The following GSTCD variants were observed in gnomAD, a reference collection of about 807,000 sequenced individuals.
The protein encoded by GSTCD is glutathione S-transferase C-terminal domain-containing protein.
A neutral mutation model predicts 68.3 loss-of-function variants in GSTCD; 44 were observed. The observed-to-expected ratio is 0.64, with a 90% confidence interval of 0.51 to 0.83. GSTCD has a LOEUF of 0.83. Among genes scored for constraint, GSTCD ranks in the 40% least tolerant of loss-of-function variants. The pLI, the probability that GSTCD is intolerant of heterozygous loss-of-function variation, is 0.00. For synonymous variants in GSTCD, 273 were observed against 255.2 expected (o/e 1.07, Z -0.67); for missense variants, 739 against 735.9 (o/e 1.00, Z -0.05).
intron 5 of GSTCD, among the ~76,000 whole-genome samples, chr4:105,786,329 G>A (rs1735463622): frequency 6.6e-6 from 1 of 151,912 alleles, no homozygotes; most frequent in South Asian, 2.1e-4. Flanking sequence ...TGGTCAACAT[G>A]GAGAAACCCT....
chr4:105,809,534 T>G (rs938993640), intron 5 of GSTCD, among the ~76,000 whole-genome samples: 3 of 152,094 alleles, frequency 2.0e-5, no homozygotes, highest in Non-Finnish European at 4.4e-5. Context: ...TTTCTCCCCT[T>G]TCTAATTTTT....
At chr4:105,726,486 A>T in intron 3 of GSTCD, 93 bp from the exon 4 acceptor site, 1 of 749,610 alleles carries the variant, frequency 1.3e-6, no homozygotes, top group Non-Finnish European at 2.1e-6. Context: ...TATACACTTA[A>T]ATGTGTGAAT....
chr4:105,733,175 A>T (rs1433197783), intron 5 of GSTCD, among the ~76,000 whole-genome samples: 1 of 152,100 alleles, frequency 6.6e-6, no homozygotes, highest in African/African-American at 2.4e-5. Context: ...TTGATTTGGG[A>T]TGGAGAGTTC....
intron 1 of GSTCD, among the ~76,000 whole-genome samples, chr4:105,716,312 T>A (rs76982110): frequency 8.1e-4 from 124 of 152,262 alleles, no homozygotes; most frequent in Non-Finnish European, 1.4e-3. Context: ...CAGTAAGAAG[T>A]TGCCATTGAA....
At chr4:105,747,828 A>C (rs1462106064) in intron 5 of GSTCD, among the ~76,000 whole-genome samples, 1 of 152,078 alleles carries the variant, frequency 6.6e-6, no homozygotes, top group Non-Finnish European at 1.5e-5. Context: ...GATGAGACTC[A>C]AAACTAGCAC....
At chr4:105,759,942 A>G (rs1486875957) in intron 5 of GSTCD, among the ~76,000 whole-genome samples, 2 of 152,194 alleles carry the variant, frequency 1.3e-5, no homozygotes, top group African/African-American at 4.8e-5. Context: ...TCAGTCTTAT[A>G]TAATTGTGAC....
intron 5 of GSTCD, among the ~76,000 whole-genome samples, chr4:105,768,210 T>C (rs2149241246): frequency 6.6e-6 from 1 of 152,048 alleles, no homozygotes; most frequent in African/African-American, 2.4e-5. Flanking sequence ...TTTGTATTTT[T>C]TAGTAGAGAC....
intron 5 of GSTCD, among the ~76,000 whole-genome samples, chr4:105,768,001 A>G (rs1382677819): frequency 1.3e-5 from 2 of 152,024 alleles, no homozygotes; most frequent in African/African-American, 2.4e-5. Flanking sequence ...TGTTCCACAA[A>G]TAAAAATATT....
chr4:105,726,186 T>G (rs1325868840), intron 3 of GSTCD, among the ~76,000 whole-genome samples: 1 of 152,180 alleles, frequency 6.6e-6, no homozygotes, highest in East Asian at 1.9e-4. Flanking sequence ...CAATGACTAC[T>G]AGTCATAATA....
intron 5 of GSTCD, among the ~76,000 whole-genome samples, chr4:105,812,082 C>T (rs1257633342): frequency 6.6e-6 from 1 of 152,088 alleles, no homozygotes; most frequent in Non-Finnish European, 1.5e-5. Flanking sequence ...TTTTGGGTAT[C>T]AGTATGATGT....
At chr4:105,834,425 G>A in intron 8 of GSTCD, 36 bp from the exon 9 acceptor site, 1 of 1,603,558 alleles carries the variant, frequency 6.2e-7, no homozygotes, top group Non-Finnish European at 8.5e-7. Context: ...TGAGTTAAGA[G>A]GGAACTTAGT....
intron 5 of GSTCD, among the ~76,000 whole-genome samples, chr4:105,731,257 A>G (rs539376888): frequency 2.0e-5 from 3 of 152,126 alleles, no homozygotes; most frequent in Non-Finnish European, 4.4e-5. Context: ...GTTTTTTCCA[A>G]TTTTGTGAAG....
At chr4:105,780,744 T>G (rs1339063095) in intron 5 of GSTCD, among the ~76,000 whole-genome samples, 1 of 152,214 alleles carries the variant, frequency 6.6e-6, no homozygotes, top group Non-Finnish European at 1.5e-5. Flanking sequence ...TTTATGAAAT[T>G]GCTTGAATAG....
chr4:105,810,067 C>A (rs893776811), intron 5 of GSTCD, among the ~76,000 whole-genome samples: 1 of 151,916 alleles, frequency 6.6e-6, no homozygotes, highest in South Asian at 2.1e-4. Flanking sequence ...GCCATCAATA[C>A]AAAGTATTTA....
intron 5 of GSTCD, among the ~76,000 whole-genome samples, chr4:105,810,821 G>C (rs1283684842): frequency 6.6e-6 from 1 of 152,030 alleles, no homozygotes; most frequent in Non-Finnish European, 1.5e-5. Flanking sequence ...AGTGACAGGA[G>C]CCCAAGTAGC....
intron 5 of GSTCD, among the ~76,000 whole-genome samples, chr4:105,795,172 T>A (rs1735834897): frequency 6.6e-6 from 1 of 151,970 alleles, no homozygotes; most frequent in Non-Finnish European, 1.5e-5. Flanking sequence ...CACCCTTCCT[T>A]GTATATTGTG....
At chr4:105,779,747 G>T (rs967499603) in intron 5 of GSTCD, among the ~76,000 whole-genome samples, 2 of 152,304 alleles carry the variant, frequency 1.3e-5, no homozygotes, top group South Asian at 4.1e-4. Context: ...CTAAGTAATT[G>T]GTTTGACAGA....
chr4:105,719,584 T>G (rs1732799025), intron 3 of GSTCD, 57 bp downstream of exon 3: 1 of 1,269,026 alleles, frequency 7.9e-7, no homozygotes, highest in African/African-American at 1.5e-5. Flanking sequence ...TGAAATTGCC[T>G]AGGTTTGAAT....
At chr4:105,752,000 T>G (rs1040508346) in intron 5 of GSTCD, among the ~76,000 whole-genome samples, 1 of 152,170 alleles carries the variant, frequency 6.6e-6, no homozygotes, top group African/African-American at 2.4e-5. Flanking sequence ...AATTCAAGTT[T>G]TATACTTTAG....
Sources: allele counts gnomAD v4.1 joint callset (sites outside exome capture counted in the v4.1 genomes callset), GRCh38; gene constraint gnomAD v4.1.1; transcripts MANE v1.5; gene names NCBI Gene and HGNC (gene_info 2026-07-23, HGNC 2026-07-21).